Variants in SH2B3 observed in about 807,000 individuals in gnomAD.
SH2B3 encodes the protein SH2B adapter protein 3.
In SH2B3, 43 loss-of-function variants were observed where a neutral mutation model predicts 51.9. That is an observed-to-expected ratio of 0.83 (90% CI 0.65 to 1.07). SH2B3 has a LOEUF of 1.07. Among genes scored for constraint, SH2B3 ranks in the 50% least tolerant of loss-of-function variants. SH2B3 has a pLI of 0.00. For missense variants in SH2B3, 952 were observed against 834.3 expected (o/e 1.14, Z -1.74); for synonymous variants, 396 against 376.0 (o/e 1.05, Z -0.62).
chr12:111,407,549 T>C lies in SH2B3; in HGVS notation c.-28+1272T>C, dbSNP rs970699382. On this transcript the variant is annotated intron_variant, in intron 1 of 7. Coordinates refer to ENST00000341259, the MANE Select transcript of SH2B3 (RefSeq NM_005475.3). The surrounding 1 kb of genome is among the most constrained non-coding windows in gnomAD (Gnocchi z 4.3). ...GGAGGCTCCTCGGGACCTGCCCTCGTGGAGGGAGAGCCGTCAGAGGCCACC... is the reference window on the plus strand; with the variant it reads ...GGAGGCTCCTCGGGACCTGCCCTCGCGGAGGGAGAGCCGTCAGAGGCCACC... 6.6e-6 allele frequency among the ~76,000 whole-genome samples: 1 copy of C among 151,998 alleles called. No homozygotes were observed. Among genetic ancestry groups the C allele is most frequent in the African/African-American group, 2.4e-5 (1 of 41,368 alleles).
In SH2B3 at chr12:111,436,951, C is replaced by T. The variant is rs966621263; in HGVS notation, c.733-9802C>T. ...ACGGGAAAAGCAGGCTGGTGTGTGT[C>T]CTGTTGCCCACACCACACTCAGTCA... On this transcript the variant is annotated intron_variant, in intron 2 of 7. Coordinates refer to ENST00000341259, the MANE Select transcript of SH2B3 (RefSeq NM_005475.3). Among the ~76,000 whole-genome samples the T allele has an allele frequency of 3.3e-5, 5 of 151,900 alleles. No individual in the cohort carries two copies. In the South Asian group the frequency reaches 1.0e-3, roughly 32 times the overall value.
At position 111,406,226 on chromosome 12, in the gene SH2B3, C is replaced by G. The variant is rs1438295474; in HGVS notation, c.-79C>G. 6.6e-6 allele frequency: 1 copy of G among 151,830 alleles called. No individual in the cohort carries two copies. Among genetic ancestry groups the G allele is most frequent in the Non-Finnish European group, 1.5e-5 (1 of 67,876 alleles). 9.4% of individuals were successfully genotyped at this position (151,830 alleles called of 1,614,324 possible). Reference sequence around the variant, plus strand: ...CCGCCCCCTCGGGATTTCGAGGGCCCGGGGGCGCGCGACGCCATGGGCCGG... The same window carrying G: ...CCGCCCCCTCGGGATTTCGAGGGCCGGGGGGCGCGCGACGCCATGGGCCGG... On this transcript the variant is annotated 5_prime_UTR_variant, in exon 1 of 8. Transcript: ENST00000341259. The surrounding 1 kb of genome is among the most constrained non-coding windows in gnomAD (Gnocchi z 5.7).
At chr12:111,422,444 G>T (rs775069452) in intron 2 of SH2B3, among the ~76,000 whole-genome samples, 1 of 151,998 alleles carries the variant, frequency 6.6e-6, no homozygotes, top group Non-Finnish European at 1.5e-5. Context: ...TGTTTTTATT[G>T]TCTGTCTAGC....
At chr12:111,445,024 G>C (rs1017755523) in intron 2 of SH2B3, among the ~76,000 whole-genome samples, 1 of 152,208 alleles carries the variant, frequency 6.6e-6, no homozygotes, top group African/African-American at 2.4e-5. Context: ...GGTGAGGAGG[G>C]GAATCCTCTT....
chr12:111,420,878 C>T (rs960790587), intron 2 of SH2B3, among the ~76,000 whole-genome samples: 5 of 152,164 alleles, frequency 3.3e-5, no homozygotes, highest in African/African-American at 1.2e-4. Flanking sequence ...GGAGAGTCAT[C>T]CAAGAATCCT....
Position 111,447,720 on chromosome 12 carries a change from T to C in SH2B3, c.1301T>C (p.Val434Ala), listed in dbSNP as rs1874161407. Reference sequence around the variant, plus strand: ...GTGCAGCACCTCCACTTTCCCTCGGTCGTGGACATGCTCCACCACTTCCAG... The same window carrying C: ...GTGCAGCACCTCCACTTTCCCTCGGCCGTGGACATGCTCCACCACTTCCAG... Reference protein sequence around the residue: ...CRVQHLHFPSVVDMLHHFQRS... With the variant: ...CRVQHLHFPSAVDMLHHFQRS... The change falls in exon 7 of 8, where the codon GTC becomes GCC. Residue 434 changes from valine to alanine, a missense_variant. Physicochemically the swap from Val to Ala is moderately conservative, Grantham distance 64. Coordinates refer to ENST00000341259, the MANE Select transcript of SH2B3 (RefSeq NM_005475.3). 6.2e-7 allele frequency: 1 copy of C among 1,613,854 alleles called. No homozygotes were observed. Among genetic ancestry groups the C allele is most frequent in the Non-Finnish European group, 8.5e-7 (1 of 1,179,996 alleles).
intron 2 of SH2B3, among the ~76,000 whole-genome samples, chr12:111,422,583 T>G (rs1593043707): frequency 6.7e-6 from 1 of 150,352 alleles, no homozygotes; most frequent in Non-Finnish European, 1.5e-5. Context: ...TTTCTTGAGA[T>G]GGAGTCTCAC....
Position 111,435,808 on chromosome 12 carries a change from A to C in SH2B3, c.733-10945A>C, listed in dbSNP as rs113101530. Among the ~76,000 whole-genome samples the C allele has an allele frequency of 7.2e-5, 11 of 152,250 alleles. No individual in the cohort carries two copies. Among genetic ancestry groups the C allele is most frequent in the African/African-American group, 2.6e-4 (11 of 41,552 alleles). ...GGCGTCACCTGAAAAAGGTGTGGCC[A>C]AGGGCAGGGGTGCTGGGCTTAGCCA... On this transcript the variant is annotated intron_variant, in intron 2 of 7. Coordinates refer to ENST00000341259, the MANE Select transcript of SH2B3 (RefSeq NM_005475.3). This position sits in a 1 kb window ranked among gnomAD's most constrained non-coding sequence, Gnocchi z 4.8.
intron 2 of SH2B3, among the ~76,000 whole-genome samples, chr12:111,430,055 G>A (rs1872339510): frequency 6.6e-6 from 1 of 152,198 alleles, no homozygotes; most frequent in Non-Finnish European, 1.5e-5. Context: ...GGGGACCAGC[G>A]GCAGAGGCTC....
At chr12:111,437,502 G>A (rs113434225) in intron 2 of SH2B3, among the ~76,000 whole-genome samples, 12 of 152,316 alleles carry the variant, frequency 7.9e-5, no homozygotes, top group African/African-American at 2.6e-4. Flanking sequence ...GGCATTCAGG[G>A]CAGCAGGCAG....
rs1872749929 is a variant in SH2B3 at position 111,435,091 on chromosome 12, C to CT, written c.733-11661dup. ...TTGGTGGTGATGAGTCCCCTCTCCT[C>CT]TGGTGCACTCTCCCCACCCGAGACG... On this transcript the variant is annotated intron_variant, in intron 2 of 7. Coordinates refer to ENST00000341259, the MANE Select transcript of SH2B3 (RefSeq NM_005475.3). The surrounding 1 kb of genome is among the most constrained non-coding windows in gnomAD (Gnocchi z 4.8). 2 of 1,297,522 alleles carry CT rather than the reference C, an allele frequency of 1.5e-6. No homozygotes were observed. Among genetic ancestry groups the CT allele is most frequent in the African/African-American group, 3.0e-5 (2 of 67,540 alleles). The allele number at this position is 1,297,522 out of a possible 1,614,324, so 80.4% of individuals were successfully genotyped here.
chr12:111,449,877 A>G lies in SH2B3; in HGVS notation c.*1575A>G, dbSNP rs1377554884. The G allele has an allele frequency of 6.6e-6, 1 of 151,810 alleles. No individual in the cohort carries two copies. Among genetic ancestry groups the G allele is most frequent in the Non-Finnish European group, 1.5e-5 (1 of 68,038 alleles). 9.4% of individuals were successfully genotyped at this position (151,810 alleles called of 1,614,324 possible). A position where few individuals can be genotyped will look rare whatever the true frequency, so the allele number is the denominator to read the frequency against. ...TCCAAGAGGTCAAATTTTTGCTTCT[A>G]GAATTTCCTTGGGGTCTTTCAGAGG... is the stretch of plus-strand genomic sequence containing the variant. On this transcript the variant is annotated 3_prime_UTR_variant, in exon 8 of 8. Transcript: ENST00000341259.
At position 111,451,139 on chromosome 12, in the gene SH2B3, C is replaced by A. The variant is rs1260483442; in HGVS notation, c.*2837C>A. The A allele has an allele frequency of 2.0e-5, 3 of 152,666 alleles. No homozygotes were observed. The highest frequency in any genetic ancestry group is 2.9e-5 in the Non-Finnish European group (2 of 68,046). The allele number at this position is 152,666 out of a possible 1,614,324, so 9.5% of individuals were successfully genotyped here. On this transcript the variant is annotated 3_prime_UTR_variant, in exon 8 of 8. Transcript: ENST00000341259. Reference sequence around the variant, plus strand: ...CAACTAACCTGCCTTGAATTTTAGACCAGCAATCCATATGGCTTTATCTGG... The same window carrying A: ...CAACTAACCTGCCTTGAATTTTAGAACAGCAATCCATATGGCTTTATCTGG...
Position 111,407,645 on chromosome 12 carries a change from T to A in SH2B3, c.-28+1368T>A. ...AAGTTGGAAGGGTTTTTAGTGCACT[T>A]TTCCTGAGCCTTTTCCCACTACCCC... On this transcript the variant is annotated intron_variant, in intron 1 of 7. Coordinates refer to ENST00000341259, the MANE Select transcript of SH2B3 (RefSeq NM_005475.3). The surrounding 1 kb of genome is among the most constrained non-coding windows in gnomAD (Gnocchi z 4.3). Among the ~76,000 whole-genome samples the A allele has an allele frequency of 6.6e-6, 1 of 152,116 alleles. No individual in the cohort carries two copies.
chr12:111,427,644 G>A (rs562682010), intron 2 of SH2B3, among the ~76,000 whole-genome samples: 18 of 152,302 alleles, frequency 1.2e-4, no homozygotes, highest in African/African-American at 4.1e-4. Flanking sequence ...CCAGCCTGCC[G>A]GGCCTCAGTT....
rs1423023719 is a variant in SH2B3, at chr12:111,409,359, CT to C, written c.-28+3083del. Among the ~76,000 whole-genome samples, 1 of 152,242 alleles carries C rather than the reference CT, an allele frequency of 6.6e-6. No individual in the cohort carries two copies. Among genetic ancestry groups the C allele is most frequent in the Non-Finnish European group, 1.5e-5 (1 of 68,040 alleles). The stretch of plus-strand genomic sequence containing the variant: ...GGCACTCAATAAGTGCAAGCCATTG[CT>C]GTTCATGCCCAATAGGGGCTGGCAC... On this transcript the variant is annotated intron_variant, in intron 1 of 7. Coordinates refer to ENST00000341259, the MANE Select transcript of SH2B3 (RefSeq NM_005475.3). This position sits in a 1 kb window ranked among gnomAD's most constrained non-coding sequence, Gnocchi z 4.0.
intron 1 of SH2B3, among the ~76,000 whole-genome samples, chr12:111,412,177 A>G (rs2135536420): frequency 6.6e-6 from 1 of 152,258 alleles, no homozygotes; most frequent in South Asian, 2.1e-4. Context: ...CATCTGATCA[A>G]TTGCTTTTTC....
upstream of SH2B3, among the ~76,000 whole-genome samples, chr12:111,404,896 G>C (rs1198920574): frequency 6.6e-6 from 1 of 152,240 alleles, no homozygotes; most frequent in South Asian, 2.1e-4. Flanking sequence ...GTAGGAAGAG[G>C]GGGAGGCAGT....
intron 1 of SH2B3, among the ~76,000 whole-genome samples, chr12:111,417,229 C>G (rs868153639): frequency 6.6e-6 from 1 of 152,062 alleles, no homozygotes; most frequent in Admixed American, 6.6e-5. Flanking sequence ...AGTTTTTCCC[C>G]ATTATAAACG....
Sources: allele counts gnomAD v4.1 joint callset (sites outside exome capture counted in the v4.1 genomes callset), GRCh38; gene constraint gnomAD v4.1.1; non-coding constraint Gnocchi (gnomAD v3.1); transcripts MANE v1.5; gene names NCBI Gene and HGNC (gene_info 2026-07-23, HGNC 2026-07-21).